Variants in CSMD1 observed in about 807,000 individuals in gnomAD.
CSMD1 encodes CUB and sushi domain-containing protein 1.
Under a neutral mutation model 417.5 loss-of-function variants are expected in CSMD1, and 213 were observed. That is an observed-to-expected ratio of 0.51 (90% CI 0.46 to 0.57). The LOEUF (loss-of-function observed/expected upper bound fraction) is 0.57, where lower values mean the gene tolerates loss of function less well. Ranked by LOEUF, CSMD1 falls within the 20% of genes least tolerant of loss-of-function variation. The pLI is 0.00. For synonymous variants in CSMD1, 2,862 were observed against 1,736.8 expected (o/e 1.65, Z -16.11); for missense variants, 6,923 against 4,529.7 (o/e 1.53, Z -15.17).
chr8:3,885,132 A>G lies in CSMD1; in HGVS notation c.818+112771T>C, dbSNP rs568746220. ...TACATTTGTCGAAACTGTGTACCTCATTAACAAGATCCCATCTCGTGACTG... is the reference window on the plus strand; with the variant it reads ...TACATTTGTCGAAACTGTGTACCTCGTTAACAAGATCCCATCTCGTGACTG... On this transcript the variant is annotated intron_variant, in intron 5 of 69. Transcript: ENST00000635120. Among the ~76,000 whole-genome samples the G allele has an allele frequency of 3.9e-5, 6 of 152,198 alleles. No individual in the cohort carries two copies. The East Asian group carries it at 1.2e-3, about 29-fold the overall frequency.
chr8:3,205,942 C>T (rs972177162), intron 30 of CSMD1, among the ~76,000 whole-genome samples: 2 of 152,074 alleles, frequency 1.3e-5, no homozygotes, highest in African/African-American at 4.8e-5. Flanking sequence ...TTTAGAAAGT[C>T]TCGCGGAGTT....
At position 4,324,431 on chromosome 8, in the gene CSMD1, C is replaced by T. The variant is rs556071093; in HGVS notation, c.415+95522G>A. Among the ~76,000 whole-genome samples the T allele has an allele frequency of 3.3e-5, 5 of 152,312 alleles. No individual in the cohort carries two copies. The East Asian group carries it at 7.7e-4, about 24-fold the overall frequency. ...TCACCCTGGCAGGAAAGCTAGAAGCCTAGCCTTTGTCAGTGAACACAGCAA... is the reference window on the plus strand; with the variant it reads ...TCACCCTGGCAGGAAAGCTAGAAGCTTAGCCTTTGTCAGTGAACACAGCAA... On this transcript the variant is annotated intron_variant, in intron 3 of 69. Transcript: ENST00000635120.
At chr8:4,763,592 G>A (rs1333587234) in intron 1 of CSMD1, among the ~76,000 whole-genome samples, 1 of 152,114 alleles carries the variant, frequency 6.6e-6, no homozygotes, top group African/African-American at 2.4e-5. Flanking sequence ...TTTTCTGAAT[G>A]ACTTATGCCT....
intron 12 of CSMD1, among the ~76,000 whole-genome samples, chr8:3,454,883 C>A (rs1241615225): frequency 6.6e-6 from 1 of 152,314 alleles, no homozygotes; most frequent in African/African-American, 2.4e-5. Flanking sequence ...GGGAAGTTCT[C>A]CTGGATAACA....
chr8:4,378,108 C>G (rs563759761), intron 3 of CSMD1, among the ~76,000 whole-genome samples: 1 of 152,268 alleles, frequency 6.6e-6, no homozygotes, highest in Admixed American at 6.5e-5. Context: ...ACACAGAAGC[C>G]AAATTTTACG....
At chr8:4,457,323 G>C (rs907815065) in intron 2 of CSMD1, among the ~76,000 whole-genome samples, 1 of 152,066 alleles carries the variant, frequency 6.6e-6, no homozygotes, top group Admixed American at 6.5e-5. Flanking sequence ...TGAATTTGTA[G>C]AGTGCTTGGG....
chr8:4,350,233 G>A (rs933974603), intron 3 of CSMD1, among the ~76,000 whole-genome samples: 1 of 152,144 alleles, frequency 6.6e-6, no homozygotes, highest in African/African-American at 2.4e-5. Flanking sequence ...GCACCTGCCT[G>A]AAGCCTAAGT....
At chr8:4,586,718 C>T (rs1799717615) in intron 2 of CSMD1, among the ~76,000 whole-genome samples, 1 of 152,136 alleles carries the variant, frequency 6.6e-6, no homozygotes, top group Non-Finnish European at 1.5e-5. Flanking sequence ...CTTAAAGCAT[C>T]ATGCCTGTGA....
At position 4,726,819 on chromosome 8, in the gene CSMD1, T is replaced by C. The variant is rs147276405; in HGVS notation, c.86-89261A>G. Among the ~76,000 whole-genome samples the C allele has an allele frequency of 1.0e-3, 159 of 152,284 alleles. 5 individuals are homozygous for C. The East Asian group carries it at 0.029, about 28-fold the overall frequency. On this transcript the variant is annotated intron_variant, in intron 1 of 69. Coordinates refer to ENST00000635120, the MANE Select transcript of CSMD1 (RefSeq NM_033225.6). Reference sequence around the variant, plus strand: ...AATAACACAACAATTGACTTGAAGATATAATTGACCTGAAGATGCAAATGA... The same window carrying C: ...AATAACACAACAATTGACTTGAAGACATAATTGACCTGAAGATGCAAATGA...
At chr8:4,352,768 C>G (rs190850123) in intron 3 of CSMD1, among the ~76,000 whole-genome samples, 1 of 152,302 alleles carries the variant, frequency 6.6e-6, no homozygotes, top group African/African-American at 2.4e-5. Flanking sequence ...CCATGGCAGA[C>G]AAATCTACTG....
At chr8:4,129,256 G>T (rs770361378) in intron 3 of CSMD1, among the ~76,000 whole-genome samples, 2 of 151,954 alleles carry the variant, frequency 1.3e-5, no homozygotes, top group Non-Finnish European at 2.9e-5. Context: ...TGTCTCCTGG[G>T]GAGCCTTCAG....
intron 10 of CSMD1, among the ~76,000 whole-genome samples, chr8:3,570,761 T>C (rs956866721): frequency 1.1e-4 from 17 of 152,196 alleles, no homozygotes; most frequent in Admixed American, 3.3e-4. Context: ...CTTTCATTTA[T>C]TTATGGTGGA....
At chr8:3,965,021 A>G (rs1484309850) in intron 5 of CSMD1, among the ~76,000 whole-genome samples, 1 of 152,180 alleles carries the variant, frequency 6.6e-6, no homozygotes, top group Non-Finnish European at 1.5e-5. Flanking sequence ...AAAGTAGGTG[A>G]TAGTTTCTAC....
At chr8:3,607,257 T>G (rs367839920) in intron 8 of CSMD1, among the ~76,000 whole-genome samples, 24 of 152,260 alleles carry the variant, frequency 1.6e-4, no homozygotes, top group East Asian at 1.5e-3. Flanking sequence ...CTTGTCCCAC[T>G]GGGAAGTCTT....
intron 3 of CSMD1, among the ~76,000 whole-genome samples, chr8:4,405,694 A>T (rs577763606): frequency 1.3e-5 from 2 of 152,346 alleles, no homozygotes; most frequent in East Asian, 3.9e-4. Flanking sequence ...TCCATAAAAC[A>T]GGATGTGTCT....
At chr8:3,830,880 G>C (rs944686391) in intron 5 of CSMD1, among the ~76,000 whole-genome samples, 3 of 152,120 alleles carry the variant, frequency 2.0e-5, no homozygotes, top group African/African-American at 7.2e-5. Flanking sequence ...CTTCATCGAG[G>C]TTCACTACGT....
intron 3 of CSMD1, among the ~76,000 whole-genome samples, chr8:4,316,892 G>C (rs773459568): frequency 2.0e-5 from 3 of 152,046 alleles, no homozygotes; most frequent in Admixed American, 6.6e-5. Flanking sequence ...TCTTGGGGTG[G>C]GGGAATCTTC....
intron 6 of CSMD1, among the ~76,000 whole-genome samples, chr8:3,730,972 T>C (rs891497250): frequency 3.3e-5 from 5 of 152,224 alleles, no homozygotes; most frequent in African/African-American, 9.6e-5. Context: ...GGGGAAAATT[T>C]ATTTCAAACA....
intron 7 of CSMD1, among the ~76,000 whole-genome samples, chr8:3,696,654 T>C (rs1455459718): frequency 2.6e-5 from 4 of 152,154 alleles, no homozygotes; most frequent in Admixed American, 2.6e-4. Flanking sequence ...TGATGCACAT[T>C]AAAGCTCATC....
Sources: gnomAD v4.1 joint callset for allele counts (sites outside exome capture counted in the v4.1 genomes callset) on GRCh38, gnomAD v4.1.1 for gene constraint, MANE v1.5 for transcripts, NCBI Gene and HGNC (gene_info 2026-07-23, HGNC 2026-07-21) for gene names.